The following SFRP1 variants were observed in gnomAD, a reference collection of about 807,000 sequenced individuals.
SFRP1 encodes the protein secreted frizzled related protein 1, also known as secreted frizzled-related protein 1.
Under a neutral mutation model 25.9 loss-of-function variants are expected in SFRP1, and 9 were observed. That is an observed-to-expected ratio of 0.35 (90% CI 0.21 to 0.61). The LOEUF (loss-of-function observed/expected upper bound fraction) is 0.61. Among genes scored for constraint, SFRP1 ranks in the 20% least tolerant of loss-of-function variants. SFRP1 has a pLI of 0.78. For missense variants in SFRP1, 346 were observed against 418.2 expected (o/e 0.83, Z 1.51); for synonymous variants, 178 against 174.0 (o/e 1.02, Z -0.18).
intron 2 of SFRP1, among the ~76,000 whole-genome samples, chr8:41,295,829 T>G (rs770739273): frequency 2.6e-5 from 4 of 151,456 alleles, no homozygotes; most frequent in Non-Finnish European, 5.9e-5. Flanking sequence ...TGGCCCCAGC[T>G]CCCAGATCAG....
chr8:41,307,062 C>T (rs1490650941), intron 1 of SFRP1: 2 of 1,393,662 alleles, frequency 1.4e-6, no homozygotes, highest in Non-Finnish European at 9.4e-7. Flanking sequence ...GGCACAGCCT[C>T]ACAGGGCAGG....
Position 41,309,153 on chromosome 8 carries a change from T to C in SFRP1, c.7A>G (p.Ile3Val), listed in dbSNP as rs1296477652. Residue 3 changes from isoleucine (I) to valine (V), a missense_variant, in exon 1 of 3, where the codon ATC becomes GTC. Transcript: ENST00000220772. ...CGGCGGCCCCCCTCGCTGCGCCCGA[T>C]GCCCATGCCGGCTCTGCGCCCTGTT... Reference protein sequence around the residue: MGIGRSEGGRRGA... With the variant: MGVGRSEGGRRGA... 7.1e-7 allele frequency: 1 copy of C among 1,402,300 alleles called. No homozygotes were observed. The highest frequency in any genetic ancestry group is 9.2e-7 in the Non-Finnish European group (1 of 1,092,774). The allele number at this position is 1,402,300 out of a possible 1,614,324, so 86.9% of individuals were successfully genotyped here. A position where few individuals can be genotyped will look rare whatever the true frequency, so the allele number is the denominator to read the frequency against.
chr8:41,265,119 C>CCCCCCCCCCCCCCCCCCCCGG lies in SFRP1; in HGVS notation c.*47_*48insCCGGGGGGGGGGGGGGGGGGG. ...CGGGTTCCCGGGGCACTGTCCCCCC[C>CCCCCCCCCCCCCCCCCCCCGG]GCTCCCACCCCACCCGAGGCTCCCT... On this transcript the variant is annotated 3_prime_UTR_variant, in exon 3 of 3. Transcript: ENST00000220772. 1 of 464,792 alleles carries CCCCCCCCCCCCCCCCCCCCGG rather than the reference C, an allele frequency of 2.2e-6. No individual in the cohort carries two copies. 28.8% of individuals were successfully genotyped at this position (464,792 alleles called of 1,614,324 possible). A position where few individuals can be genotyped will look rare whatever the true frequency, so the allele number is the denominator to read the frequency against.
intron 1 of SFRP1, among the ~76,000 whole-genome samples, chr8:41,307,378 T>G (rs1437932671): frequency 6.6e-6 from 1 of 152,166 alleles, no homozygotes; most frequent in African/African-American, 2.4e-5. Flanking sequence ...CATCTAAAAT[T>G]TGGGGTATCC....
At chr8:41,270,778 G>A (rs1247552312) in intron 2 of SFRP1, among the ~76,000 whole-genome samples, 4 of 143,724 alleles carry the variant, frequency 2.8e-5, no homozygotes, top group South Asian at 2.2e-4. Flanking sequence ...AGCCGAGAGC[G>A]CACACTGCAC....
rs1378188494 is a variant in SFRP1 at position 41,265,228 on chromosome 8, T to C, written c.884A>G (p.Lys295Arg). 6.2e-7 allele frequency: 1 copy of C among 1,614,090 alleles called. No homozygotes were observed. The highest frequency in any genetic ancestry group is 2.2e-5 in the East Asian group (1 of 44,874). ...HKWDKKNKEF[K>R]NFMKKMKNHE... is the part of the protein sequence containing the mutation. Reference sequence around the variant, plus strand: ...GTTTTTCATTTTCTTCATGAAGTTTTTGAACTCCTTGTTTTTCTTGTCCCA... The same window carrying C: ...GTTTTTCATTTTCTTCATGAAGTTTCTGAACTCCTTGTTTTTCTTGTCCCA... Residue 295 changes from lysine (K) to arginine (R), a missense_variant, in exon 3 of 3, where the codon AAA becomes AGA. Physicochemically the swap from Lys to Arg is conservative, Grantham distance 26. Transcript: ENST00000220772.
At chr8:41,288,273 C>T (rs1281366335) in intron 2 of SFRP1, among the ~76,000 whole-genome samples, 2 of 152,048 alleles carry the variant, frequency 1.3e-5, no homozygotes, top group Non-Finnish European at 2.9e-5. Flanking sequence ...CAGAGAATCA[C>T]TTGAACCCAG....
chr8:41,274,169 G>A (rs1382210684), intron 2 of SFRP1, among the ~76,000 whole-genome samples: 1 of 152,128 alleles, frequency 6.6e-6, no homozygotes, highest in African/African-American at 2.4e-5. Flanking sequence ...CCAATCCTGT[G>A]AACCAATGCC....
At chr8:41,308,558 C>A in intron 1 of SFRP1, 58 bp downstream of exon 1, 13 of 1,397,666 alleles carry the variant, frequency 9.3e-6, no homozygotes, top group South Asian at 6.9e-5. Flanking sequence ...GGTTCTCCTG[C>A]AGCTCCGGCC....
At chr8:41,293,926 C>CTT (rs576425485) in intron 2 of SFRP1, among the ~76,000 whole-genome samples, 52 of 139,270 alleles carry the variant, frequency 3.7e-4, no homozygotes, top group African/African-American at 9.7e-4. Context: ...TATCTGGCTA[C>CTT]TTTTTTTTTT....
chr8:41,278,710 C>A (rs1347249719), intron 2 of SFRP1, among the ~76,000 whole-genome samples: 1 of 152,184 alleles, frequency 6.6e-6, no homozygotes, highest in Non-Finnish European at 1.5e-5. Context: ...ACAAAGTTGT[C>A]TAAGCTCAAA....
At position 41,265,423 on chromosome 8, in the gene SFRP1, T is replaced by C. The variant is rs759759230; in HGVS notation, c.689A>G (p.Lys230Arg). 2.5e-6 allele frequency: 4 copies of C among 1,612,864 alleles called. No individual in the cohort carries two copies. Among genetic ancestry groups the C allele is most frequent in the South Asian group, 2.2e-5 (2 of 90,684 alleles). The change falls in exon 3 of 3, where the codon AAG becomes AGG. Residue 230 changes from lysine to arginine, a missense_variant. Transcript: ENST00000220772. ...NGDKKIVPKK[K>R]KPLKLGPIKK... Reference sequence around the variant, plus strand: ...GATGGGCCCCAACTTCAGGGGCTTCTTCTTCTTGGGGACAATCTTCTTGTC... The same window carrying C: ...GATGGGCCCCAACTTCAGGGGCTTCCTCTTCTTGGGGACAATCTTCTTGTC...
At chr8:41,307,126 G>T in intron 1 of SFRP1, 1 of 881,178 alleles carries the variant, frequency 1.1e-6, no homozygotes, top group Non-Finnish European at 1.6e-6. Flanking sequence ...CCCGCAGGCT[G>T]CAGGGGATGG....
intron 2 of SFRP1, among the ~76,000 whole-genome samples, chr8:41,296,658 G>A (rs1157183480): frequency 2.0e-5 from 3 of 152,186 alleles, no homozygotes; most frequent in Non-Finnish European, 4.4e-5. Flanking sequence ...TGGGGTTGGG[G>A]TAGGGGAAGG....
rs572280503 is a variant in SFRP1 at position 41,281,267 on chromosome 8, C to G, written c.623-15778G>C. On this transcript the variant is annotated intron_variant, in intron 2 of 2. Coordinates refer to ENST00000220772, the MANE Select transcript of SFRP1 (RefSeq NM_003012.5). ...GCTGATCACAGCCCCACCTCACCAG[C>G]CTTCACCAGCAAGCTTTGCCCTGTT... Among the ~76,000 whole-genome samples, 8 of 152,374 alleles carry G rather than the reference C, an allele frequency of 5.3e-5. No individual in the cohort carries two copies. In the South Asian group the frequency reaches 1.7e-3, roughly 32 times the overall value.
At chr8:41,275,002 T>C (rs982189788) in intron 2 of SFRP1, 1 of 296,850 alleles carries the variant, frequency 3.4e-6, no homozygotes, top group Non-Finnish European at 6.6e-6. Flanking sequence ...CTTTTTGTTG[T>C]TTCCTTTTTT....
At position 41,265,295 on chromosome 8, in the gene SFRP1, G is replaced by A. The variant is rs769341807; in HGVS notation, c.817C>T (p.Arg273Cys). 23 of 1,613,946 alleles carry A rather than the reference G, an allele frequency of 1.4e-5. No individual in the cohort carries two copies. Among genetic ancestry groups the A allele is most frequent in the East Asian group, 2.2e-5 (1 of 44,888 alleles). Residue 273 changes from arginine to cysteine, a missense_variant, in exon 3 of 3, where the codon CGC becomes TGC. By Grantham distance (180) the Arg-to-Cys change is radical (BLOSUM62 -3). Transcript: ENST00000220772. Reference protein sequence around the residue: ...NLSHHFLIMGRKVKSQYLLTA... With the variant: ...NLSHHFLIMGCKVKSQYLLTA... ...AGCAAGTACTGGCTCTTCACCTTGC[G>A]GCCCATGATGAGGAAGTGGTGGCTG...
chr8:41,301,588 G>A (rs1334113910), intron 2 of SFRP1, among the ~76,000 whole-genome samples: 1 of 152,228 alleles, frequency 6.6e-6, no homozygotes, highest in Non-Finnish European at 1.5e-5. Flanking sequence ...GCAGAGCCCA[G>A]CGGCTGTGCA....
chr8:41,291,655 C>A (rs1383582777), intron 2 of SFRP1, among the ~76,000 whole-genome samples: 1 of 152,140 alleles, frequency 6.6e-6, no homozygotes, highest in Non-Finnish European at 1.5e-5. Context: ...GATGGTAAGG[C>A]CTGGTAGAGC....
Sources: allele counts gnomAD v4.1 joint callset (sites outside exome capture counted in the v4.1 genomes callset), GRCh38; gene constraint gnomAD v4.1.1; transcripts MANE v1.5; gene names NCBI Gene and HGNC (gene_info 2026-07-23, HGNC 2026-07-21).